The following PSKH1 variants were observed in gnomAD, a reference collection of about 807,000 sequenced individuals.
PSKH1 encodes the protein serine/threonine-protein kinase H1.
A neutral mutation model predicts 26.7 loss-of-function variants in PSKH1; 12 were observed. The observed-to-expected ratio is 0.45, with a 90% CI of 0.29 to 0.73. The LOEUF is 0.73. Ranked by LOEUF, PSKH1 falls within the 30% of genes least tolerant of loss-of-function variation. The pLI is 0.11. For missense variants in PSKH1, 431 were observed against 595.2 expected, an observed-to-expected ratio of 0.72 and a Z score of 2.87; for synonymous variants, 213 against 234.3, an observed-to-expected ratio of 0.91 and a Z score of 0.83.
At chr16:67,922,041 C>T (rs2151314795) in intron 2 of PSKH1, among the ~76,000 whole-genome samples, 1 of 151,766 alleles carries the variant, frequency 6.6e-6, no homozygotes, top group South Asian at 2.1e-4. Flanking sequence ...TCTCCTCAGG[C>T]TCTCTCCCCC....
At chr16:67,895,344 C>T (rs2058123427) in intron 1 of PSKH1, among the ~76,000 whole-genome samples, 2 of 151,870 alleles carry the variant, frequency 1.3e-5, no homozygotes, top group South Asian at 4.2e-4. Context: ...GGGTTACAGG[C>T]AAGAGCCACC....
intron 1 of PSKH1, among the ~76,000 whole-genome samples, chr16:67,895,575 A>C (rs570214932): frequency 1.3e-5 from 2 of 151,696 alleles, no homozygotes; most frequent in Non-Finnish European, 2.9e-5. Flanking sequence ...CGCCCAGCTA[A>C]TTTTTGTATT....
intron 2 of PSKH1, among the ~76,000 whole-genome samples, chr16:67,916,426 G>T (rs1769945352): frequency 6.6e-6 from 1 of 152,164 alleles, no homozygotes; most frequent in African/African-American, 2.4e-5. Flanking sequence ...TGGCATCCAT[G>T]GACTTGAATA....
chr16:67,909,464 G>A lies in PSKH1; in HGVS notation c.715G>A (p.Asp239Asn). The A allele has an allele frequency of 6.2e-7, 1 of 1,613,418 alleles. No individual in the cohort carries two copies. The highest frequency in any genetic ancestry group is 1.1e-5 in the South Asian group (1 of 91,066). The change falls in exon 2 of 3, where the codon GAC becomes AAC. Residue 239 changes from aspartate to asparagine, a missense_variant. Asp to Asn is a conservative substitution (Grantham distance 23). Transcript: ENST00000291041. This position sits in a 1 kb window ranked among gnomAD's most constrained non-coding sequence, Gnocchi z 7.8. ...PGTDSKIIIT[D>N]FGLASARKKG... ...CACTGACTCCAAGATCATCATCACC[G>A]ACTTCGGCCTGGCCAGTGCTCGCAA...
chr16:67,895,455 C>T (rs1236340365), intron 1 of PSKH1, among the ~76,000 whole-genome samples: 1 of 151,068 alleles, frequency 6.6e-6, no homozygotes, highest in Non-Finnish European at 1.5e-5. Flanking sequence ...GACACCCAGG[C>T]TGGAGTGCAG....
chr16:67,899,646 A>C lies in PSKH1; in HGVS notation c.-71+6275A>C, dbSNP rs939157180. Among the ~76,000 whole-genome samples the C allele has an allele frequency of 3.2e-5, 4 of 124,324 alleles. No homozygotes were observed. The Admixed American group carries it at 3.3e-4, about 10-fold the overall frequency. 81.6% of individuals were successfully genotyped at this position (124,324 alleles called of 152,430 possible). A position where few individuals can be genotyped will look rare whatever the true frequency, so the allele number is the denominator to read the frequency against. ...CACTGTGCCAGCCCACATTTCTTTT[A>C]TTTATTTATTTATTTTTTTGAGATG... On this transcript the variant is annotated intron_variant, in intron 1 of 2. Transcript: ENST00000291041.
chr16:67,926,147 G>C (rs145800452), intron 2 of PSKH1, among the ~76,000 whole-genome samples: 63 of 152,250 alleles, frequency 4.1e-4, no homozygotes, highest in African/African-American at 1.2e-3. Flanking sequence ...ATCTGCAGCA[G>C]GCTCAGGAAA....
At chr16:67,915,241 GTT>G (rs1555498817) in intron 2 of PSKH1, among the ~76,000 whole-genome samples, 6 of 147,686 alleles carry the variant, frequency 4.1e-5, no homozygotes, top group Admixed American at 3.4e-4. Context: ...GTGTGTGTGT[GTT>G]GGAGAGGCAC....
intron 2 of PSKH1, among the ~76,000 whole-genome samples, chr16:67,922,338 C>T (rs1425775295): frequency 1.3e-5 from 2 of 152,274 alleles, no homozygotes; most frequent in East Asian, 1.9e-4. Context: ...TTCAGGCCCA[C>T]GTAAGTACAG....
chr16:67,928,524 G>A lies in PSKH1; in HGVS notation c.*882G>A, dbSNP rs1019113243. The A allele has an allele frequency of 6.5e-6, 1 of 152,686 alleles. No homozygotes were observed. The highest frequency in any genetic ancestry group is 1.9e-4 in the East Asian group (1 of 5,202). 9.5% of individuals were successfully genotyped at this position (152,686 alleles called of 1,614,324 possible). ...GCTACCTGGGGAATGGGGCACCTGG[G>A]GGCCAAGGCAGAGGGAAGGGGGTCC... On this transcript the variant is annotated 3_prime_UTR_variant, in exon 3 of 3. Transcript: ENST00000291041. The surrounding 1 kb of genome is among the most constrained non-coding windows in gnomAD (Gnocchi z 4.8).
chr16:67,894,714 C>T (rs1320187855), intron 1 of PSKH1, among the ~76,000 whole-genome samples: 1 of 152,146 alleles, frequency 6.6e-6, no homozygotes, highest in Non-Finnish European at 1.5e-5. Context: ...TAGGGGCTAG[C>T]CTCCAGTAGC....
chr16:67,902,288 C>A (rs143975623), intron 1 of PSKH1, among the ~76,000 whole-genome samples: 1 of 151,652 alleles, frequency 6.6e-6, no homozygotes, highest in African/African-American at 2.4e-5. Context: ...AAAAATGAAT[C>A]GAAAAGTTAG....
intron 2 of PSKH1, among the ~76,000 whole-genome samples, chr16:67,911,119 AAG>A (rs1423446752): frequency 1.3e-5 from 2 of 152,226 alleles, no homozygotes; most frequent in East Asian, 3.8e-4. Context: ...GGCTGTGAAG[AAG>A]AGAGTCTGTG....
At chr16:67,917,092 G>T (rs1005445422) in intron 2 of PSKH1, among the ~76,000 whole-genome samples, 2 of 152,238 alleles carry the variant, frequency 1.3e-5, no homozygotes, top group Admixed American at 1.3e-4. Context: ...TACTGCCATT[G>T]TGTGGTGCCC....
At chr16:67,899,990 G>C (rs1182078624) in intron 1 of PSKH1, among the ~76,000 whole-genome samples, 2 of 145,640 alleles carry the variant, frequency 1.4e-5, no homozygotes, top group Non-Finnish European at 1.5e-5. Context: ...GAGACGGAGT[G>C]CTGCCCTGTC....
At chr16:67,903,037 A>G (rs2058146194) in intron 1 of PSKH1, 1 of 152,196 alleles carries the variant, frequency 6.6e-6, no homozygotes, top group African/African-American at 2.4e-5. Flanking sequence ...CCTAGTTGCC[A>G]TGTGGAACTT....
At chr16:67,898,420 CT>C (rs879865004) in intron 1 of PSKH1, among the ~76,000 whole-genome samples, 66 of 145,188 alleles carry the variant, frequency 4.5e-4, no homozygotes, top group Admixed American at 4.1e-4. Flanking sequence ...AAAGAAAAAA[CT>C]TTTTTTTTTT....
chr16:67,908,947 G>A lies in PSKH1; in HGVS notation c.198G>A (p.Pro66=), dbSNP rs1421332300. Residue 66 remains proline (P), a synonymous_variant, in exon 2 of 3, where the codon CCG becomes CCA. Coordinates refer to ENST00000291041, the MANE Select transcript of PSKH1 (RefSeq NM_006742.3). The part of the protein sequence containing the change: ...SQYAHPCPGP[P]TAGHTEPPSE... ...ATGCACACCCCTGCCCCGGTCCCCC[G>A]ACTGCTGGCCACACGGAGCCTCCCT... The A allele has an allele frequency of 3.1e-6, 5 of 1,613,842 alleles. No homozygotes were observed. Among genetic ancestry groups the A allele is most frequent in the Non-Finnish European group, 4.2e-6 (5 of 1,179,864 alleles).
chr16:67,917,042 A>G (rs982909999), intron 2 of PSKH1, among the ~76,000 whole-genome samples: 2 of 152,206 alleles, frequency 1.3e-5, no homozygotes, highest in Non-Finnish European at 2.9e-5. Context: ...CGCTGCTCCC[A>G]GTATCGGTCT....
Sources: allele counts gnomAD v4.1 joint callset (sites outside exome capture counted in the v4.1 genomes callset), GRCh38; gene constraint gnomAD v4.1.1; non-coding constraint Gnocchi (gnomAD v3.1); transcripts MANE v1.5; gene names NCBI Gene and HGNC (gene_info 2026-07-23, HGNC 2026-07-21).